Variants in STARD13 observed in about 807,000 individuals in gnomAD.
STARD13 encodes stAR-related lipid transfer protein 13.
A neutral mutation model predicts 106.4 loss-of-function variants in STARD13; 62 were observed. The ratio of observed to expected loss-of-function variants is 0.58; its 90% CI spans 0.48 to 0.72. The LOEUF (loss-of-function observed/expected upper bound fraction) is 0.72, where lower values mean the gene tolerates loss of function less well. Among genes scored for constraint, STARD13 ranks in the 30% least tolerant of loss-of-function variants. STARD13 has a pLI of 0.00. For missense variants in STARD13, 1,387 were observed against 1,424.0 expected (o/e 0.97, Z 0.42); for synonymous variants, 565 against 553.0 (o/e 1.02, Z -0.31).
chr13:33,527,951 A>G, the STARD13 span, among the ~76,000 whole-genome samples: 2 of 151,194 alleles, frequency 1.3e-5, no homozygotes, highest in African/African-American at 4.8e-5. Context: ...TCCAAAAGCC[A>G]TAAGTAATGT....
chr13:33,636,412 T>C, the STARD13 span, among the ~76,000 whole-genome samples: 1 of 152,208 alleles, frequency 6.6e-6, no homozygotes, highest in South Asian at 2.1e-4. Flanking sequence ...ACGTGTAAAA[T>C]TCATTATCCA....
chr13:33,652,277 T>C, the STARD13 span, among the ~76,000 whole-genome samples: 1 of 152,200 alleles, frequency 6.6e-6, no homozygotes, highest in Admixed American at 6.5e-5. Context: ...ATTAGATTCA[T>C]ACAACATAGA....
rs578134057 is a variant in STARD13, at chr13:33,123,807, G to A, written c.2082+2274C>T. On this transcript the variant is annotated intron_variant, in intron 7 of 13. Coordinates refer to ENST00000336934, the MANE Select transcript of STARD13 (RefSeq NM_178006.4). ...TGCAATGAGTGCTTATATGCGAGGC[G>A]AGTGTTTAGCACGGGGAGAAGGGCC... is the stretch of plus-strand genomic sequence containing the variant. 2.4e-3 allele frequency among the ~76,000 whole-genome samples: 364 copies of A among 152,346 alleles called. 2 individuals are homozygous for A. Among genetic ancestry groups the A allele is most frequent in the African/African-American group, 8.1e-3 (337 of 41,590 alleles).
chr13:33,571,197 G>A, the STARD13 span, among the ~76,000 whole-genome samples: 5 of 152,048 alleles, frequency 3.3e-5, no homozygotes, highest in Non-Finnish European at 7.4e-5. Flanking sequence ...CCATCACAAC[G>A]GATTTCAATT....
At chr13:33,167,730 C>T (rs1883494110) in intron 1 of STARD13, 108 bp from the exon 2 acceptor site, 1 of 1,143,934 alleles carries the variant, frequency 8.7e-7, no homozygotes, top group Admixed American at 1.9e-5. Flanking sequence ...TATTACAAAG[C>T]AAAATTGTTC....
chr13:33,312,188 C>A (rs1275608741), intron 1 of STARD13, among the ~76,000 whole-genome samples: 2 of 152,164 alleles, frequency 1.3e-5, no homozygotes, highest in East Asian at 3.8e-4. Flanking sequence ...TTTGCTTTGA[C>A]TATAAAATAC....
the STARD13 span, among the ~76,000 whole-genome samples, chr13:33,601,940 T>G: frequency 2.6e-5 from 4 of 152,188 alleles, no homozygotes; most frequent in Non-Finnish European, 5.9e-5. Context: ...TCAGAGAGAA[T>G]GGCTTTAAGC....
chr13:33,322,272 G>A (rs989612321), intron 1 of STARD13, among the ~76,000 whole-genome samples: 3 of 152,044 alleles, frequency 2.0e-5, no homozygotes, highest in African/African-American at 7.3e-5. Flanking sequence ...GAACGTACAC[G>A]ATGTACAAAT....
chr13:33,469,255 T>C, the STARD13 span, among the ~76,000 whole-genome samples: 2 of 152,186 alleles, frequency 1.3e-5, no homozygotes, highest in African/African-American at 4.8e-5. Context: ...CACAAGTAAG[T>C]TTCAGAAGCA....
chr13:33,627,579 G>T, the STARD13 span, among the ~76,000 whole-genome samples: 1 of 151,820 alleles, frequency 6.6e-6, no homozygotes, highest in African/African-American at 2.4e-5. Context: ...GGAGGTTGCA[G>T]TGAGCTGAGA....
At chr13:33,185,332 G>A (rs1885650993) in intron 1 of STARD13, among the ~76,000 whole-genome samples, 1 of 152,144 alleles carries the variant, frequency 6.6e-6, no homozygotes, top group South Asian at 2.1e-4. Context: ...TCTTGTATAT[G>A]TTTCCATAAA....
At chr13:33,531,679 G>A in the STARD13 span, among the ~76,000 whole-genome samples, 1 of 152,168 alleles carries the variant, frequency 6.6e-6, no homozygotes, top group Non-Finnish European at 1.5e-5. Context: ...CAGACATAGA[G>A]ATAGAAAGGG....
At chr13:33,585,767 C>A in the STARD13 span, among the ~76,000 whole-genome samples, 1 of 152,192 alleles carries the variant, frequency 6.6e-6, no homozygotes, top group Non-Finnish European at 1.5e-5. Flanking sequence ...GAGAGAAATT[C>A]AAATTCTGAC....
At chr13:33,405,155 G>A in the STARD13 span, among the ~76,000 whole-genome samples, 1 of 152,104 alleles carries the variant, frequency 6.6e-6, no homozygotes, top group Admixed American at 6.5e-5. Flanking sequence ...CACAATCCCC[G>A]CCTCCTCCTT....
the STARD13 span, among the ~76,000 whole-genome samples, chr13:33,389,342 T>G: frequency 6.6e-6 from 1 of 152,064 alleles, no homozygotes; most frequent in Non-Finnish European, 1.5e-5. Flanking sequence ...AACCCACTAA[T>G]TGAACAGTTT....
the STARD13 span, among the ~76,000 whole-genome samples, chr13:33,585,715 T>C: frequency 2.0e-5 from 3 of 152,150 alleles, no homozygotes; most frequent in Non-Finnish European, 4.4e-5. Context: ...TAATGTAGTA[T>C]ACATATATAC....
At chr13:33,564,223 AAAAAG>A in the STARD13 span, among the ~76,000 whole-genome samples, 2 of 143,380 alleles carry the variant, frequency 1.4e-5, no homozygotes, top group African/African-American at 5.3e-5. Context: ...AAAAAAAAAA[AAAAAG>A]AAAAGATCTG....
At chr13:33,424,327 G>C in the STARD13 span, among the ~76,000 whole-genome samples, 1 of 152,124 alleles carries the variant, frequency 6.6e-6, no homozygotes, top group African/African-American at 2.4e-5. Context: ...TTTTTACAGA[G>C]GTGGAATTTG....
the STARD13 span, among the ~76,000 whole-genome samples, chr13:33,543,152 T>G: frequency 6.6e-6 from 1 of 152,226 alleles, no homozygotes; most frequent in Non-Finnish European, 1.5e-5. Flanking sequence ...CCCGTATCAG[T>G]TCTTTAATCT....
Sources: gnomAD v4.1 joint callset for allele counts (sites outside exome capture counted in the v4.1 genomes callset) on GRCh38, gnomAD v4.1.1 for gene constraint, MANE v1.5 for transcripts, NCBI Gene and HGNC (gene_info 2026-07-23, HGNC 2026-07-21) for gene names.